The following PDE4D variants were observed in gnomAD, a reference collection of about 807,000 sequenced individuals.
PDE4D encodes 3',5'-cyclic-AMP phosphodiesterase 4D.
Under a neutral mutation model 87.4 loss-of-function variants are expected in PDE4D, and 24 were observed. The observed-to-expected ratio is 0.27, with a 90% CI of 0.20 to 0.39. PDE4D has a LOEUF of 0.39. Among genes scored for constraint, PDE4D ranks in the 10% least tolerant of loss-of-function variants. The pLI is 1.00. For synonymous variants in PDE4D, 384 were observed against 383.2 expected, an observed-to-expected ratio of 1.00 and a Z score of -0.02; for missense variants, 714 against 1,041.0, an observed-to-expected ratio of 0.69 and a Z score of 4.32.
intron 1 of PDE4D, among the ~76,000 whole-genome samples, chr5:59,415,773 CA>C (rs1277373233): frequency 6.6e-6 from 1 of 152,058 alleles, no homozygotes; most frequent in Non-Finnish European, 1.5e-5. Context: ...ATATTGTTTA[CA>C]AGTTAAAATA....
At chr5:59,042,225 G>A (rs1183440377) in intron 5 of PDE4D, among the ~76,000 whole-genome samples, 2 of 152,142 alleles carry the variant, frequency 1.3e-5, no homozygotes, top group Admixed American at 6.5e-5. Context: ...TAGGTGAGTA[G>A]GCAATATAGC....
chr5:59,982,637 C>T (rs1184126633), intron 3 of PDE4D, among the ~76,000 whole-genome samples: 1 of 152,218 alleles, frequency 6.6e-6, no homozygotes, highest in Non-Finnish European at 1.5e-5. Flanking sequence ...GACCACCATT[C>T]TCATTCCAAA....
At chr5:59,175,128 C>T (rs1361095556) in intron 5 of PDE4D, among the ~76,000 whole-genome samples, 1 of 152,182 alleles carries the variant, frequency 6.6e-6, no homozygotes, top group African/African-American at 2.4e-5. Context: ...ATCACTGTCC[C>T]AGTGCAGGTA....
intron 1 of PDE4D, among the ~76,000 whole-genome samples, chr5:59,394,728 C>G (rs112093715): frequency 0.015 from 2,260 of 152,234 alleles, 61 homozygotes; most frequent in African/African-American, 0.052. Flanking sequence ...ACAGGAGGAG[C>G]CAAGATGGCC....
chr5:59,383,287 C>T (rs970448993), intron 1 of PDE4D, among the ~76,000 whole-genome samples: 1 of 148,474 alleles, frequency 6.7e-6, no homozygotes, highest in African/African-American at 2.6e-5. Flanking sequence ...CCCCTCACTG[C>T]AGCCTCACTA....
intron 1 of PDE4D, among the ~76,000 whole-genome samples, chr5:59,814,247 T>G (rs989779784): frequency 3.3e-5 from 5 of 152,226 alleles, no homozygotes; most frequent in Non-Finnish European, 7.3e-5. Flanking sequence ...ATTTGTTTAC[T>G]TATTGTCTGT....
At chr5:60,061,603 A>G (rs1398083772) in intron 2 of PDE4D, among the ~76,000 whole-genome samples, 3 of 152,166 alleles carry the variant, frequency 2.0e-5, no homozygotes, top group Non-Finnish European at 4.4e-5. Context: ...ATATGGAGCC[A>G]TAAAAGAGCC....
intron 2 of PDE4D, among the ~76,000 whole-genome samples, chr5:60,002,870 C>T (rs1764138017): frequency 6.6e-6 from 1 of 152,034 alleles, no homozygotes; most frequent in Non-Finnish European, 1.5e-5. Context: ...TGAAACAAAA[C>T]AAGAATGCTT....
intron 2 of PDE4D, among the ~76,000 whole-genome samples, chr5:60,065,949 C>T (rs1241890222): frequency 1.3e-5 from 2 of 152,286 alleles, no homozygotes; most frequent in African/African-American, 2.4e-5. Flanking sequence ...GGTATATACC[C>T]AGTAATGGGA....
chr5:58,984,696 C>T (rs1420353552), intron 11 of PDE4D, among the ~76,000 whole-genome samples: 3 of 152,146 alleles, frequency 2.0e-5, no homozygotes, highest in African/African-American at 7.2e-5. Context: ...AACCAAAAAC[C>T]GCATGCTTTG....
chr5:59,589,955 T>C (rs767479706), intron 1 of PDE4D, among the ~76,000 whole-genome samples: 18 of 152,124 alleles, frequency 1.2e-4, no homozygotes, highest in Non-Finnish European at 1.8e-4. Context: ...TGAGAAACTA[T>C]GATAAATAAC....
At chr5:59,009,580 C>T (rs10078763) in intron 6 of PDE4D, among the ~76,000 whole-genome samples, 10 of 151,852 alleles carry the variant, frequency 6.6e-5, no homozygotes, top group African/African-American at 1.9e-4. Flanking sequence ...CAGCACTGGA[C>T]GTGGGGTTTG....
chr5:59,470,885 G>T (rs913187891), intron 1 of PDE4D, among the ~76,000 whole-genome samples: 1 of 152,044 alleles, frequency 6.6e-6, no homozygotes, highest in African/African-American at 2.4e-5. Context: ...AAAAAAATCA[G>T]TCCTAATATC....
chr5:60,217,721 A>C (rs1744026159), intron 1 of PDE4D, among the ~76,000 whole-genome samples: 1 of 152,022 alleles, frequency 6.6e-6, no homozygotes, highest in South Asian at 2.1e-4. Flanking sequence ...AAGACAATTA[A>C]AGGAAAATAG....
At chr5:60,348,603 G>A (rs998167619) in intron 1 of PDE4D, among the ~76,000 whole-genome samples, 2 of 152,034 alleles carry the variant, frequency 1.3e-5, no homozygotes, top group Non-Finnish European at 2.9e-5. Context: ...AAATTCTTAT[G>A]AAATAATGTG....
chr5:59,477,039 C>G (rs778142456), intron 1 of PDE4D, among the ~76,000 whole-genome samples: 2 of 151,668 alleles, frequency 1.3e-5, no homozygotes, highest in Non-Finnish European at 2.9e-5. Flanking sequence ...AGCTAGGGAA[C>G]ACAAAAATGA....
chr5:59,245,058 T>A (rs1758571263), intron 1 of PDE4D, among the ~76,000 whole-genome samples: 1 of 152,088 alleles, frequency 6.6e-6, no homozygotes, highest in African/African-American at 2.4e-5. Context: ...GAAACTACTT[T>A]TAGAAATGCA....
intron 2 of PDE4D, among the ~76,000 whole-genome samples, chr5:60,079,766 T>C (rs1172478181): frequency 2.6e-5 from 4 of 152,232 alleles, no homozygotes; most frequent in Non-Finnish European, 5.9e-5. Flanking sequence ...CCATGCTGTT[T>C]TGGTTACTGT....
intron 5 of PDE4D, among the ~76,000 whole-genome samples, chr5:59,166,915 C>T (rs6877256): frequency 0.11 from 17,106 of 152,198 alleles, 1,364 homozygotes; most frequent in African/African-American, 0.23. Context: ...CAAATAATTG[C>T]ACAGTTTCCA....
Sources: allele counts gnomAD v4.1 joint callset (sites outside exome capture counted in the v4.1 genomes callset), GRCh38; gene constraint gnomAD v4.1.1; transcripts MANE v1.5; gene names NCBI Gene and HGNC (gene_info 2026-07-23, HGNC 2026-07-21).